The following OSBP2 variants were observed in gnomAD, a reference collection of about 807,000 sequenced individuals.
OSBP2 encodes the protein oxysterol-binding protein 2.
In OSBP2, 66 loss-of-function variants were observed where a neutral mutation model predicts 96.0. That is an observed-to-expected ratio of 0.69 (90% CI 0.56 to 0.84). The LOEUF is 0.84. OSBP2 is among the 40% of genes least tolerant of loss of function. The pLI, the probability that OSBP2 is intolerant of heterozygous loss-of-function variation, is 0.00. For synonymous variants in OSBP2, 525 were observed against 520.9 expected (o/e 1.01, Z -0.11); for missense variants, 1,038 against 1,222.7 (o/e 0.85, Z 2.25).
At chr22:30,739,733 A>G (rs2089911124) in intron 1 of OSBP2, among the ~76,000 whole-genome samples, 1 of 152,160 alleles carries the variant, frequency 6.6e-6, no homozygotes. Flanking sequence ...CAATAGAGAA[A>G]GAGTAATTCA....
At chr22:30,770,130 C>T (rs200472318) in intron 2 of OSBP2, among the ~76,000 whole-genome samples, 9 of 144,630 alleles carry the variant, frequency 6.2e-5, no homozygotes, top group African/African-American at 1.3e-4. Flanking sequence ...GATGGAGTCT[C>T]GCTCTGTTGC....
Position 30,907,263 on chromosome 22 carries a change from A to G in OSBP2, c.*924A>G, listed in dbSNP as rs1169984436. ...ACCTTGCATCCCTCCTCATCCTAGG[A>G]GGCCCCTAGGGGTGCCCCATCTCAG... On this transcript the variant is annotated 3_prime_UTR_variant, in exon 14 of 14. Coordinates refer to ENST00000332585, the MANE Select transcript of OSBP2 (RefSeq NM_030758.4). 6.6e-6 allele frequency: 1 copy of G among 152,558 alleles called. No individual in the cohort carries two copies. Among genetic ancestry groups the G allele is most frequent in the African/African-American group, 2.4e-5 (1 of 41,422 alleles). The allele number at this position is 152,558 out of a possible 1,614,324, so 9.5% of individuals were successfully genotyped here.
At chr22:30,746,082 C>T (rs1175617352) in intron 2 of OSBP2, among the ~76,000 whole-genome samples, 2 of 152,000 alleles carry the variant, frequency 1.3e-5, no homozygotes, top group Non-Finnish European at 2.9e-5. Context: ...AAGGAAAGTC[C>T]AAGACCAGAT....
intron 2 of OSBP2, among the ~76,000 whole-genome samples, chr22:30,810,336 G>C (rs2090989304): frequency 6.6e-6 from 1 of 152,146 alleles, no homozygotes; most frequent in South Asian, 2.1e-4. Context: ...ACTGGATTCA[G>C]GGATGACTTG....
At chr22:30,772,552 G>T (rs2090362248) in intron 2 of OSBP2, among the ~76,000 whole-genome samples, 2 of 152,186 alleles carry the variant, frequency 1.3e-5, no homozygotes, top group African/African-American at 4.8e-5. Flanking sequence ...CACCTTCAGA[G>T]CCTGGCCACA....
At chr22:30,831,025 G>A (rs2038511834) in intron 2 of OSBP2, among the ~76,000 whole-genome samples, 1 of 152,168 alleles carries the variant, frequency 6.6e-6, no homozygotes, top group Non-Finnish European at 1.5e-5. Context: ...CCAGATCACT[G>A]TAGCCAACTG....
chr22:30,843,448 C>CG (rs1002170378), intron 2 of OSBP2, among the ~76,000 whole-genome samples: 10 of 119,018 alleles, frequency 8.4e-5, no homozygotes, highest in East Asian at 4.3e-4. Flanking sequence ...AATCTTTCCC[C>CG]CCTCCCCCTT....
At chr22:30,694,872 C>T, upstream of OSBP2, 3 of 1,034,666 alleles carry the variant, frequency 2.9e-6, no homozygotes, top group Non-Finnish European at 3.7e-6. Context: ...CCCCCCGCCC[C>T]CACTGGCCGC....
intron 3 of OSBP2, among the ~76,000 whole-genome samples, chr22:30,874,908 G>A (rs778019294): frequency 5.3e-5 from 8 of 152,106 alleles, no homozygotes; most frequent in East Asian, 1.9e-4. Context: ...CCAGGCATAC[G>A]ACCACGTGGC....
chr22:30,830,976 T>C (rs1261464828), intron 2 of OSBP2, among the ~76,000 whole-genome samples: 1 of 152,236 alleles, frequency 6.6e-6, no homozygotes, highest in Non-Finnish European at 1.5e-5. Context: ...TGGAAGGCTG[T>C]GGAATGCCTT....
chr22:30,818,822 T>C (rs2091112883), intron 2 of OSBP2, among the ~76,000 whole-genome samples: 1 of 152,166 alleles, frequency 6.6e-6, no homozygotes, highest in Non-Finnish European at 1.5e-5. Context: ...AGGAAAGTGG[T>C]AACCATAGAC....
chr22:30,760,801 G>T (rs1291908609), intron 2 of OSBP2, among the ~76,000 whole-genome samples: 3 of 150,660 alleles, frequency 2.0e-5, no homozygotes, highest in Non-Finnish European at 4.4e-5. Context: ...CTGGGCAACA[G>T]AGCAAGACTC....
At chr22:30,866,963 C>A (rs561338530) in intron 2 of OSBP2, among the ~76,000 whole-genome samples, 1 of 152,208 alleles carries the variant, frequency 6.6e-6, no homozygotes, top group African/African-American at 2.4e-5. Context: ...GGGGTGAGGC[C>A]CACCCCCTTG....
chr22:30,788,358 A>G (rs2090625328), intron 2 of OSBP2, among the ~76,000 whole-genome samples: 1 of 152,126 alleles, frequency 6.6e-6, no homozygotes, highest in Admixed American at 6.5e-5. Context: ...CCCAGTTCCC[A>G]TGGAAGATTT....
intron 1 of OSBP2, among the ~76,000 whole-genome samples, chr22:30,730,716 GTCTC>G (rs1191165719): frequency 0.01 from 204 of 19,894 alleles, 4 homozygotes; most frequent in African/African-American, 0.018. Context: ...TCGCTGCCCT[GTCTC>G]TCTCTCTCTC....
rs115930263 is a variant in OSBP2, at chr22:30,872,739, G to T, written c.1107+2057G>T. 8.4e-3 allele frequency among the ~76,000 whole-genome samples: 1,274 copies of T among 152,344 alleles called. 21 individuals are homozygous for T. Among genetic ancestry groups the T allele is most frequent in the African/African-American group, 0.03 (1,228 of 41,574 alleles). ...GTGCAGTGCTGCCCCGACAGACTGTGCTTGTAGCCCAGGCTAGCCCAGAGG... is the reference window on the plus strand; with the variant it reads ...GTGCAGTGCTGCCCCGACAGACTGTTCTTGTAGCCCAGGCTAGCCCAGAGG... On this transcript the variant is annotated intron_variant, in intron 3 of 13. Coordinates refer to ENST00000332585, the MANE Select transcript of OSBP2 (RefSeq NM_030758.4).
At chr22:30,778,944 G>C (rs574576886) in intron 2 of OSBP2, among the ~76,000 whole-genome samples, 20 of 151,158 alleles carry the variant, frequency 1.3e-4, no homozygotes, top group South Asian at 1.3e-3. Flanking sequence ...GCTGAGGCAA[G>C]AGAATCGCTT....
In OSBP2 at chr22:30,695,313, C is replaced by G. The variant is rs373401186; in HGVS notation, c.404C>G (p.Thr135Ser). ...EPLSRAVGSATFLRPESGSLP... is the reference protein window; with the variant it reads ...EPLSRAVGSASFLRPESGSLP... The stretch of plus-strand genomic sequence containing the variant: ...CTCTCCCGGGCGGTGGGGAGCGCGA[C>G]CTTTCTCAGACCCGAGTCAGGATCG... The change falls in exon 1 of 14, where the codon ACC (threonine) becomes AGC (serine). Residue 135 changes from threonine to serine, a missense_variant. Transcript: ENST00000332585. 6.2e-7 allele frequency: 1 copy of G among 1,613,440 alleles called. No individual in the cohort carries two copies. Among genetic ancestry groups the G allele is most frequent in the Non-Finnish European group, 8.5e-7 (1 of 1,180,054 alleles).
intron 1 of OSBP2, among the ~76,000 whole-genome samples, chr22:30,722,690 C>CCTCTTTTTTCTTTCTTT (rs942055988): frequency 4.1e-5 from 6 of 146,140 alleles, no homozygotes; most frequent in Non-Finnish European, 3.0e-5. Context: ...TCTTTTCTTT[C>CCTCTTTTTTCTTTCTTT]CTCTTTTTTC....
Sources: allele counts gnomAD v4.1 joint callset (sites outside exome capture counted in the v4.1 genomes callset), GRCh38; gene constraint gnomAD v4.1.1; transcripts MANE v1.5; gene names NCBI Gene and HGNC (gene_info 2026-07-23, HGNC 2026-07-21).